The following PRKAA1 variants were observed in gnomAD, a reference collection of about 807,000 sequenced individuals.
The protein encoded by PRKAA1 is 5'-AMP-activated protein kinase catalytic subunit alpha-1.
PRKAA1 carries 23 observed loss-of-function variants against 56.9 expected under a neutral mutation model. The ratio of observed to expected loss-of-function variants is 0.40; its 90% CI spans 0.29 to 0.57. The LOEUF is 0.57. PRKAA1 is among the 20% of genes least tolerant of loss of function. The probability of loss-of-function intolerance (pLI) is 0.39; values close to 1 mark genes in which losing one functional copy is unlikely to be tolerated. For synonymous variants in PRKAA1, 226 were observed against 227.0 expected, an observed-to-expected ratio of 1.00 and a Z score of 0.04; for missense variants, 413 against 679.7, an observed-to-expected ratio of 0.61 and a Z score of 4.36.
intron 1 of PRKAA1, among the ~76,000 whole-genome samples, chr5:40,794,750 G>C (rs1462840084): frequency 7.9e-6 from 1 of 126,162 alleles, no homozygotes; most frequent in Non-Finnish European, 1.8e-5. Flanking sequence ...AGGGTGAACA[G>C]GGAACACTTC....
In PRKAA1 at chr5:40,777,540, G is replaced by A. The variant is rs150003299; in HGVS notation, c.174C>T (p.Leu58=). ...LTGHKVAVKI[L]NRQKIRSLDV... is the part of the protein sequence containing the mutation. ...CAAGGCTCCGAATCTTCTGTCGATTGAGTATCTTCACAGCTACTTTATGCC... is the reference window on the plus strand; with the variant it reads ...CAAGGCTCCGAATCTTCTGTCGATTAAGTATCTTCACAGCTACTTTATGCC... Residue 58 remains leucine (L), a synonymous_variant, in exon 2 of 9, where the codon CTC becomes CTT. Coordinates refer to ENST00000397128, the MANE Select transcript of PRKAA1 (RefSeq NM_006251.6). The A allele has an allele frequency of 6.2e-7, 1 of 1,613,530 alleles. No individual in the cohort carries two copies. Among genetic ancestry groups the A allele is most frequent in the African/African-American group, 1.3e-5 (1 of 75,028 alleles).
chr5:40,791,912 T>C (rs896866764), intron 1 of PRKAA1, among the ~76,000 whole-genome samples: 1 of 152,242 alleles, frequency 6.6e-6, no homozygotes, highest in African/African-American at 2.4e-5. Context: ...TTCCCACGTT[T>C]AAATATTTTT....
chr5:40,772,216 T>C (rs1268686821), intron 3 of PRKAA1, among the ~76,000 whole-genome samples: 1 of 152,252 alleles, frequency 6.6e-6, no homozygotes, highest in Non-Finnish European at 1.5e-5. Flanking sequence ...TCTTTCATTC[T>C]TTTAACAAAT....
intron 2 of PRKAA1, among the ~76,000 whole-genome samples, chr5:40,776,013 TC>T (rs1408580939): frequency 2.0e-5 from 3 of 152,188 alleles, no homozygotes; most frequent in Non-Finnish European, 2.9e-5. Flanking sequence ...TGGCTTTTAC[TC>T]CAAGGAAGAT....
At chr5:40,797,230 A>G (rs926464514) in intron 1 of PRKAA1, among the ~76,000 whole-genome samples, 13 of 152,246 alleles carry the variant, frequency 8.5e-5, no homozygotes, top group African/African-American at 3.1e-4. Flanking sequence ...TCTTAAAACA[A>G]AAGTTCGAAT....
chr5:40,766,331 T>C (rs1743432357), intron 6 of PRKAA1, among the ~76,000 whole-genome samples: 1 of 152,216 alleles, frequency 6.6e-6, no homozygotes, highest in Non-Finnish European at 1.5e-5. Flanking sequence ...CTGATTTCTT[T>C]CTTCCTTCTC....
intron 1 of PRKAA1, among the ~76,000 whole-genome samples, chr5:40,793,439 C>T (rs924548445): frequency 6.6e-6 from 1 of 152,200 alleles, no homozygotes; most frequent in Non-Finnish European, 1.5e-5. Flanking sequence ...GAAACAATCA[C>T]TCCGAACTTC....
At chr5:40,771,948 C>A in intron 3 of PRKAA1, 85 bp from the exon 4 acceptor site, 2 of 1,477,724 alleles carry the variant, frequency 1.4e-6, no homozygotes, top group South Asian at 2.5e-5. Context: ...ATAAAATTGT[C>A]AAAATACATG....
At position 40,763,097 on chromosome 5, in the gene PRKAA1, CT is replaced by C; in HGVS notation, c.1436-76del. The stretch of plus-strand genomic sequence containing the variant: ...AATTTTTGTAACAGTATTGAATTTG[CT>C]TCTTTAAGTGGGGCTGCTGGCCAGC... On this transcript the variant is annotated intron_variant, in intron 8 of 8. Transcript: ENST00000397128. The C allele has an allele frequency of 2.0e-6, 3 of 1,508,514 alleles. No individual in the cohort carries two copies. In the South Asian group the frequency reaches 3.6e-5, roughly 18 times the overall value. 93.4% of individuals were successfully genotyped at this position (1,508,514 alleles called of 1,614,324 possible).
chr5:40,788,220 A>C (rs768372081), intron 1 of PRKAA1, among the ~76,000 whole-genome samples: 1 of 152,216 alleles, frequency 6.6e-6, no homozygotes, highest in Non-Finnish European at 1.5e-5. Flanking sequence ...AAATGCATAT[A>C]TCTATAATCA....
intron 1 of PRKAA1, among the ~76,000 whole-genome samples, chr5:40,785,833 CACACACAGAG>C (rs1466652716): frequency 1.2e-4 from 7 of 57,836 alleles, no homozygotes; most frequent in African/African-American, 4.8e-4. Context: ...CACACACACA[CACACACAGAG>C]AGAGAGAGAG....
In PRKAA1 at chr5:40,762,562, A is replaced by G. The variant is rs924523809; in HGVS notation, c.*216T>C. ...TATAATTCACTGTGTATATTATGCT[A>G]TATACATACTGCACAATGAACAACA... On this transcript the variant is annotated 3_prime_UTR_variant, in exon 9 of 9. Transcript: ENST00000397128. The G allele has an allele frequency of 7.1e-6, 4 of 559,624 alleles. No individual in the cohort carries two copies. The highest frequency in any genetic ancestry group is 1.2e-5 in the Non-Finnish European group (4 of 325,086). The allele number at this position is 559,624 out of a possible 1,614,324, so 34.7% of individuals were successfully genotyped here.
chr5:40,765,430 C>T lies in PRKAA1; in HGVS notation c.822-192G>A, dbSNP rs188005424. ...TATGTTGAGGGAAATGCTCCAATTT[C>T]CCTCCAGTTTTAAGAGGGAGAATGT... On this transcript the variant is annotated intron_variant, in intron 6 of 8. Transcript: ENST00000397128. Among the ~76,000 whole-genome samples the T allele has an allele frequency of 1.9e-4, 29 of 152,242 alleles. No individual in the cohort carries two copies. The East Asian group carries it at 5.6e-3, about 29-fold the overall frequency.
intron 3 of PRKAA1, among the ~76,000 whole-genome samples, chr5:40,772,657 C>G (rs1743802921): frequency 6.6e-6 from 1 of 151,644 alleles, no homozygotes; most frequent in African/African-American, 2.4e-5. Context: ...ATTTTGAGAT[C>G]CAGTCTCGTT....
intron 1 of PRKAA1, among the ~76,000 whole-genome samples, chr5:40,778,884 C>CTCAGGTGA (rs1214858279): frequency 2.0e-5 from 3 of 147,096 alleles, no homozygotes; most frequent in Non-Finnish European, 4.4e-5. Context: ...CCTCCCCAGG[C>CTCAGGTGA]TCAGGTGATC....
intron 1 of PRKAA1, among the ~76,000 whole-genome samples, chr5:40,796,958 A>G (rs1744952244): frequency 2.6e-5 from 4 of 151,944 alleles, no homozygotes; most frequent in Admixed American, 2.6e-4. Context: ...CATCCCTTAT[A>G]ACAAAGTCAA....
At chr5:40,797,402 C>T (rs1394400550) in intron 1 of PRKAA1, among the ~76,000 whole-genome samples, 1 of 152,198 alleles carries the variant, frequency 6.6e-6, no homozygotes, top group Non-Finnish European at 1.5e-5. Flanking sequence ...ACTAAAGGCA[C>T]AGTCTCATTC....
Position 40,765,111 on chromosome 5 carries a change from CCTCTTCTGAGCACTCAAACTTTT to C in PRKAA1, c.926_948del (p.Glu309GlyfsTer25). 1 of 1,614,154 alleles carries C rather than the reference CCTCTTCTGAGCACTCAAACTTTT, an allele frequency of 6.2e-7. No homozygotes were observed. Among genetic ancestry groups the C allele is most frequent in the South Asian group, 1.1e-5 (1 of 91,088 alleles). The stretch of plus-strand genomic sequence containing the variant: ...CTGTTGTAAAGACAGCTGAGAACTT[CCTCTTCTGAGCACTCAAACTTTT>C]CACATACTTCTTTTAAGGCTTCATC... On this transcript the variant is annotated frameshift_variant, in exon 7 of 9. Coordinates refer to ENST00000397128, the MANE Select transcript of PRKAA1 (RefSeq NM_006251.6). LOFTEE classifies it high-confidence loss of function.
chr5:40,779,862 T>C (rs1744189328), intron 1 of PRKAA1, among the ~76,000 whole-genome samples: 1 of 152,092 alleles, frequency 6.6e-6, no homozygotes. Flanking sequence ...TACGTCACAT[T>C]GTGATAATGC....
Sources: gnomAD v4.1 joint callset for allele counts (sites outside exome capture counted in the v4.1 genomes callset) on GRCh38, gnomAD v4.1.1 for gene constraint, MANE v1.5 for transcripts, NCBI Gene and HGNC (gene_info 2026-07-23, HGNC 2026-07-21) for gene names.